Variants in KCNC2 observed in about 807,000 individuals in gnomAD.
KCNC2 encodes voltage-gated potassium channel KCNC2.
KCNC2 carries 21 observed loss-of-function variants against 44.5 expected under a neutral mutation model. The observed-to-expected ratio is 0.47, with a 90% CI of 0.33 to 0.68. The LOEUF (loss-of-function observed/expected upper bound fraction) is 0.68, where lower values mean the gene tolerates loss of function less well. KCNC2 is among the 30% of genes least tolerant of loss of function. KCNC2 has a pLI of 0.01. For synonymous variants in KCNC2, 391 were observed against 339.1 expected (o/e 1.15, Z -1.68); for missense variants, 589 against 826.2 (o/e 0.71, Z 3.52).
intron 2 of KCNC2, among the ~76,000 whole-genome samples, chr12:75,176,519 C>CT: frequency 6.6e-6 from 1 of 151,898 alleles, no homozygotes; most frequent in Non-Finnish European, 1.5e-5. Context: ...CTCTGCTCAC[C>CT]CTGTACCAGC....
At chr12:75,152,982 C>T (rs146956878) in intron 2 of KCNC2, among the ~76,000 whole-genome samples, 205 of 151,930 alleles carry the variant, frequency 1.3e-3, no homozygotes, top group African/African-American at 4.7e-3. Flanking sequence ...GGGTTGGGGG[C>T]GACGTGAAAA....
intron 2 of KCNC2, among the ~76,000 whole-genome samples, chr12:75,166,275 A>T (rs569479379): frequency 1.3e-5 from 2 of 151,332 alleles, no homozygotes; most frequent in African/African-American, 2.4e-5. Flanking sequence ...AAGTAGAAGC[A>T]TATATGCATC....
chr12:75,124,403 T>C (rs942352825), intron 2 of KCNC2, among the ~76,000 whole-genome samples: 11 of 152,162 alleles, frequency 7.2e-5, no homozygotes, highest in African/African-American at 2.2e-4. Context: ...CATGAACTCT[T>C]GGTAGAGAGG....
intron 2 of KCNC2, among the ~76,000 whole-genome samples, chr12:75,099,839 G>T (rs143142465): frequency 4.6e-5 from 7 of 152,244 alleles, no homozygotes; most frequent in African/African-American, 1.7e-4. Flanking sequence ...ATGGAAAAGT[G>T]AAGCAATGGA....
At chr12:75,141,926 C>CA (rs1487345954) in intron 2 of KCNC2, among the ~76,000 whole-genome samples, 1 of 152,100 alleles carries the variant, frequency 6.6e-6, no homozygotes, top group Non-Finnish European at 1.5e-5. Context: ...TTCATCCTCA[C>CA]AAAAATATAC....
chr12:75,151,141 T>G (rs552366363), intron 2 of KCNC2, among the ~76,000 whole-genome samples: 2 of 152,062 alleles, frequency 1.3e-5, no homozygotes, highest in East Asian at 3.9e-4. Context: ...GCCTTCACGA[T>G]GCAAGAAAAC....
intron 2 of KCNC2, among the ~76,000 whole-genome samples, chr12:75,132,122 T>C (rs1888892916): frequency 1.3e-5 from 2 of 152,140 alleles, no homozygotes; most frequent in African/African-American, 4.8e-5. Flanking sequence ...GTAGTTTCAC[T>C]TGGAAAGGTG....
chr12:75,172,073 G>T (rs1399480676), intron 2 of KCNC2, among the ~76,000 whole-genome samples: 2 of 151,626 alleles, frequency 1.3e-5, no homozygotes, highest in African/African-American at 4.8e-5. Context: ...CCAAAGAAAG[G>T]ATGTCACATT....
chr12:75,064,234 G>T (rs897476814), intron 2 of KCNC2, among the ~76,000 whole-genome samples: 1 of 151,726 alleles, frequency 6.6e-6, no homozygotes, highest in Non-Finnish European at 1.5e-5. Flanking sequence ...TTATTCCCTT[G>T]CTACACTACT....
chr12:75,121,732 G>A (rs1398453111), intron 2 of KCNC2, among the ~76,000 whole-genome samples: 1 of 152,122 alleles, frequency 6.6e-6, no homozygotes, highest in Non-Finnish European at 1.5e-5. Context: ...ATTCCCATGG[G>A]CATATTGGAT....
At chr12:75,160,604 A>G (rs1292824389) in intron 2 of KCNC2, among the ~76,000 whole-genome samples, 4 of 151,850 alleles carry the variant, frequency 2.6e-5, no homozygotes, top group African/African-American at 7.2e-5. Flanking sequence ...CCAGAATTAT[A>G]CTTGCCTTCT....
At chr12:75,099,625 T>A (rs1886212555) in intron 2 of KCNC2, among the ~76,000 whole-genome samples, 1 of 152,200 alleles carries the variant, frequency 6.6e-6, no homozygotes, top group Non-Finnish European at 1.5e-5. Context: ...TATGGTTTTA[T>A]TACATAGCTA....
chr12:75,100,613 G>C (rs1255650761), intron 2 of KCNC2, among the ~76,000 whole-genome samples: 2 of 151,786 alleles, frequency 1.3e-5, no homozygotes, highest in Non-Finnish European at 2.9e-5. Flanking sequence ...AGGTTCACAA[G>C]GTTACTATCA....
At chr12:75,052,774 A>AAAG (rs1193886221) in intron 2 of KCNC2, among the ~76,000 whole-genome samples, 1 of 152,102 alleles carries the variant, frequency 6.6e-6, no homozygotes, top group Non-Finnish European at 1.5e-5. Flanking sequence ...AGGGTATACA[A>AAAG]AAGGACTAAA....
intron 2 of KCNC2, among the ~76,000 whole-genome samples, chr12:75,071,044 G>A (rs938805204): frequency 6.6e-6 from 1 of 151,600 alleles, no homozygotes; most frequent in African/African-American, 2.4e-5. Context: ...TGGTATAGTA[G>A]AAAGTATATT....
At position 75,040,933 on chromosome 12, in the gene KCNC2, C is replaced by T. The variant is rs1475563968; in HGVS notation, c.*2172G>A. 3 of 596,686 alleles carry T rather than the reference C, an allele frequency of 5.0e-6. No individual in the cohort carries two copies. In the African/African-American group the frequency reaches 5.6e-5, roughly 11 times the overall value. The allele number at this position is 596,686 out of a possible 1,614,324, so 37.0% of individuals were successfully genotyped here. On this transcript the variant is annotated 3_prime_UTR_variant, in exon 5 of 5. Coordinates refer to ENST00000549446, the MANE Select transcript of KCNC2 (RefSeq NM_139137.4). ...TGAGAAATGGCCAAGACTGTTGACCCATGCACACATGTTGGTATTTACAGT... is the reference window on the plus strand; with the variant it reads ...TGAGAAATGGCCAAGACTGTTGACCTATGCACACATGTTGGTATTTACAGT...
intron 2 of KCNC2, among the ~76,000 whole-genome samples, chr12:75,159,810 T>C (rs1246550736): frequency 1.3e-5 from 2 of 151,850 alleles, no homozygotes. Context: ...AGAGTCTGCA[T>C]ATTTTAAAGT....
At chr12:75,187,338 C>A (rs950659455) in intron 2 of KCNC2, among the ~76,000 whole-genome samples, 2 of 152,126 alleles carry the variant, frequency 1.3e-5, no homozygotes, top group Non-Finnish European at 2.9e-5. Flanking sequence ...ATGATATTGC[C>A]ATTATTTAAA....
At chr12:75,170,966 T>C (rs974557353) in intron 2 of KCNC2, among the ~76,000 whole-genome samples, 2 of 151,746 alleles carry the variant, frequency 1.3e-5, no homozygotes. Context: ...GTTCCTGTAT[T>C]CTTGCTAGCT....
Sources: allele counts gnomAD v4.1 joint callset (sites outside exome capture counted in the v4.1 genomes callset), GRCh38; gene constraint gnomAD v4.1.1; transcripts MANE v1.5; gene names NCBI Gene and HGNC (gene_info 2026-07-23, HGNC 2026-07-21).